SCN1A: variants seen among roughly 807,000 people sequenced by gnomAD.
The protein encoded by SCN1A is sodium voltage-gated channel alpha subunit 1, also known as sodium channel protein type 1 subunit alpha.
In SCN1A, 13 loss-of-function variants were observed where a neutral mutation model predicts 193.7. That is an observed-to-expected ratio of 0.07 (90% confidence interval 0.04 to 0.11). The LOEUF (loss-of-function observed/expected upper bound fraction) is 0.11. Ranked by LOEUF, SCN1A falls within the 10% of genes least tolerant of loss-of-function variation. SCN1A has a pLI of 1.00. For synonymous variants in SCN1A, 781 were observed against 843.6 expected (o/e 0.93, Z 1.29); for missense variants, 1,432 against 2,451.1 (o/e 0.58, Z 8.78).
chr2:166,119,035 T>C (rs948866851), intron 2 of SCN1A, among the ~76,000 whole-genome samples: 1 of 152,094 alleles, frequency 6.6e-6, no homozygotes, highest in Non-Finnish European at 1.5e-5. Flanking sequence ...CAGTTCACAA[T>C]AGGGTTTGTG....
At chr2:166,067,162 A>G (rs184412345) in intron 4 of SCN1A, among the ~76,000 whole-genome samples, 4 of 151,414 alleles carry the variant, frequency 2.6e-5, no homozygotes, top group East Asian at 3.9e-4. Flanking sequence ...ATTTAGTGGG[A>G]AAAAAAATTT....
rs1298360493 is a variant in SCN1A, at chr2:166,046,789, T to A, written c.1358A>T (p.Lys453Met). Residue 453 changes from lysine to methionine, a missense_variant, in exon 12 of 29, where the codon AAG becomes ATG. Coordinates refer to ENST00000674923, the MANE Select transcript of SCN1A (RefSeq NM_001165963.4). ...CTTTACCTGAGCTGCCTCCTGTTGC[T>A]TTTTAAGCTGTTCAATCATCTGCTG... ...EFQQMIEQLKKQQEAAQQAAT... is the reference protein window; with the variant it reads ...EFQQMIEQLKMQQEAAQQAAT... 6.2e-7 allele frequency: 1 copy of A among 1,613,742 alleles called. No homozygotes were observed. Among genetic ancestry groups the A allele is most frequent in the East Asian group, 2.2e-5 (1 of 44,872 alleles).
intron 1 of SCN1A, among the ~76,000 whole-genome samples, chr2:166,147,804 C>T (rs1273532300): frequency 6.6e-6 from 1 of 152,162 alleles, no homozygotes; most frequent in Non-Finnish European, 1.5e-5. Flanking sequence ...CATAAATAAT[C>T]AATGTGCTGC....
Position 166,036,458 on chromosome 2 carries a change from TATC to T in SCN1A, c.3016_3018del (p.Asp1006del), listed in dbSNP as rs1696390463. 1 of 1,609,830 alleles carries T rather than the reference TATC, an allele frequency of 6.2e-7. No individual in the cohort carries two copies. The highest frequency in any genetic ancestry group is 1.3e-5 in the African/African-American group (1 of 74,632). On this transcript the variant is annotated inframe_deletion, in exon 19 of 29. Coordinates refer to ENST00000674923, the MANE Select transcript of SCN1A (RefSeq NM_001165963.4). ...GCAATTTGGAGATTATTCATTTCATTATCATCATCAGTGGCTGCAAGGTTGTCT... is the reference window on the plus strand; with the variant it reads ...GCAATTTGGAGATTATTCATTTCATTATCATCAGTGGCTGCAAGGTTGTCT...
intron 5 of SCN1A, 126 bp downstream of exon 5, chr2:166,058,444 A>C: frequency 1.7e-6 from 1 of 586,150 alleles, no homozygotes; most frequent in Admixed American, 3.0e-5. Context: ...AATATGACAA[A>C]GATGCAAAAT....
At chr2:166,053,170 A>T in intron 7 of SCN1A, 1 of 886,174 alleles carries the variant, frequency 1.1e-6, no homozygotes, top group Admixed American at 1.9e-5. Flanking sequence ...TTTTAGCAGG[A>T]TTTATATTAC....
intron 2 of SCN1A, among the ~76,000 whole-genome samples, chr2:166,090,561 G>T (rs1343992172): frequency 2.0e-5 from 3 of 152,170 alleles, no homozygotes; most frequent in Non-Finnish European, 2.9e-5. Flanking sequence ...TTAAGCAGAA[G>T]CCAGGCCATA....
At position 166,036,093 on chromosome 2, in the gene SCN1A, G is replaced by A; in HGVS notation, c.3384C>T (p.Asn1128=). Residue 1128 remains asparagine (N), a synonymous_variant, in exon 19 of 29, where the codon AAC becomes AAT. Coordinates refer to ENST00000674923, the MANE Select transcript of SCN1A (RefSeq NM_001165963.4). ...CCGATTCACTACTAAAGTCTTCCGT[G>A]TTTAAATTTTCAAAGTCAGATTCTC... ...AVGESDFENL[N]TEDFSSESDL... 1 of 1,613,828 alleles carries A rather than the reference G, an allele frequency of 6.2e-7. No individual in the cohort carries two copies. The highest frequency in any genetic ancestry group is 8.5e-7 in the Non-Finnish European group (1 of 1,179,882).
At chr2:166,080,366 A>G (rs1022775140) in intron 2 of SCN1A, among the ~76,000 whole-genome samples, 8 of 151,870 alleles carry the variant, frequency 5.3e-5, no homozygotes, top group Non-Finnish European at 1.0e-4. Context: ...ACAAGAGAAG[A>G]CTTCAAAGAG....
At chr2:165,996,165 A>C (rs751781433) in intron 26 of SCN1A, 48 bp from the exon 27 acceptor site, 7 of 1,172,926 alleles carry the variant, frequency 6.0e-6, no homozygotes. Context: ...CCTTTTGTAC[A>C]TTTTTTTCAA....
chr2:166,005,227 G>A (rs1691499797), intron 23 of SCN1A, among the ~76,000 whole-genome samples: 1 of 151,396 alleles, frequency 6.6e-6, no homozygotes, highest in Non-Finnish European at 1.5e-5. Flanking sequence ...AGAGAGCTTT[G>A]AATATAGGAA....
intron 10 of SCN1A, among the ~76,000 whole-genome samples, chr2:166,048,499 C>T (rs1698119935): frequency 6.6e-6 from 1 of 152,022 alleles, no homozygotes. Flanking sequence ...TAATAGCCTC[C>T]AGTTCTATCC....
chr2:166,124,307 G>A (rs6724558), intron 2 of SCN1A, among the ~76,000 whole-genome samples: 3,627 of 151,882 alleles, frequency 0.024, 321 homozygotes, highest in Admixed American at 0.16. Flanking sequence ...CCAGCACTTT[G>A]GGAGGCTGAG....
At chr2:166,087,950 A>T (rs769998521) in intron 2 of SCN1A, among the ~76,000 whole-genome samples, 34 of 152,194 alleles carry the variant, frequency 2.2e-4, no homozygotes, top group Non-Finnish European at 4.1e-4. Context: ...TCCTGATTTT[A>T]ACAGATTCAT....
chr2:166,109,368 G>A (rs1559347353), intron 2 of SCN1A: 1 of 152,126 alleles, frequency 6.6e-6, no homozygotes, highest in Non-Finnish European at 1.5e-5. Flanking sequence ...CACATTGAGA[G>A]TCTCAAAGAA....
intron 19 of SCN1A, 69 bp downstream of exon 19, chr2:166,035,979 A>T: frequency 6.7e-7 from 1 of 1,481,634 alleles, no homozygotes; most frequent in South Asian, 1.2e-5. Context: ...TAAGCTGAGG[A>T]TCATCTGTAT....
intron 4 of SCN1A, among the ~76,000 whole-genome samples, chr2:166,066,127 G>T (rs1683815231): frequency 6.6e-6 from 1 of 152,072 alleles, no homozygotes; most frequent in Non-Finnish European, 1.5e-5. Context: ...TGCCTCCCTA[G>T]AAAGTGCCTA....
chr2:166,131,374 G>A (rs1459583079), upstream of SCN1A, among the ~76,000 whole-genome samples: 2 of 143,996 alleles, frequency 1.4e-5, no homozygotes, highest in Non-Finnish European at 3.2e-5. Flanking sequence ...TTTAGTCTTT[G>A]TAAGACTCCG....
At chr2:165,999,827 C>T in intron 24 of SCN1A, 51 bp from the exon 25 acceptor site, 1 of 1,225,226 alleles carries the variant, frequency 8.2e-7, no homozygotes, top group Non-Finnish European at 1.2e-6. Context: ...TAATTTAGAC[C>T]TGATGTTTAA....
Sources: allele counts gnomAD v4.1 joint callset (sites outside exome capture counted in the v4.1 genomes callset), GRCh38; gene constraint gnomAD v4.1.1; transcripts MANE v1.5; gene names NCBI Gene and HGNC (gene_info 2026-07-23, HGNC 2026-07-21).